Variants in GPR107 observed in about 807,000 individuals in gnomAD.
GPR107 encodes the protein protein GPR107.
GPR107 carries 31 observed loss-of-function variants against 75.5 expected under a neutral mutation model. That is an observed-to-expected ratio of 0.41 (90% confidence interval 0.31 to 0.55). The LOEUF is 0.55. Ranked by LOEUF, GPR107 falls within the 20% of genes least tolerant of loss-of-function variation. The probability of loss-of-function intolerance (pLI) is 0.26; values close to 1 mark genes in which losing one functional copy is unlikely to be tolerated. For missense variants in GPR107, 572 were observed against 665.7 expected, an observed-to-expected ratio of 0.86 and a Z score of 1.55; for synonymous variants, 267 against 251.3, an observed-to-expected ratio of 1.06 and a Z score of -0.59.
In GPR107 at chr9:130,135,899, G is replaced by C. The variant is rs1554899907; in HGVS notation, c.*778G>C. 1 of 152,300 alleles carries C rather than the reference G, an allele frequency of 6.6e-6. No individual in the cohort carries two copies. The highest frequency in any genetic ancestry group is 1.5e-5 in the Non-Finnish European group (1 of 68,114). The allele number at this position is 152,300 out of a possible 1,614,324, so 9.4% of individuals were successfully genotyped here. ...AGAAATGTATTTTTAAGTTCAAAAAGCATTATCCTGTGGCGTTGCCTGGAC... is the reference window on the plus strand; with the variant it reads ...AGAAATGTATTTTTAAGTTCAAAAACCATTATCCTGTGGCGTTGCCTGGAC... On this transcript the variant is annotated 3_prime_UTR_variant, in exon 18 of 18. Transcript: ENST00000347136.
At chr9:130,114,719 A>G (rs1226252943) in intron 14 of GPR107, 24 of 1,021,192 alleles carry the variant, frequency 2.4e-5, no homozygotes, top group Non-Finnish European at 2.7e-5. Context: ...TGTAGATATA[A>G]TCATACTAAC....
intron 7 of GPR107, among the ~76,000 whole-genome samples, chr9:130,087,538 T>C (rs1830642925): frequency 6.6e-6 from 1 of 151,834 alleles, no homozygotes; most frequent in Non-Finnish European, 1.5e-5. Flanking sequence ...TGGTGGTAGA[T>C]GCTTACAGTC....
intron 17 of GPR107, among the ~76,000 whole-genome samples, chr9:130,130,325 C>T (rs911405641): frequency 2.6e-5 from 4 of 152,248 alleles, no homozygotes; most frequent in African/African-American, 9.6e-5. Flanking sequence ...ATCTGAATTA[C>T]TTCTGTCATC....
At chr9:130,120,419 G>T (rs560597634) in intron 14 of GPR107, among the ~76,000 whole-genome samples, 2 of 152,194 alleles carry the variant, frequency 1.3e-5, no homozygotes, top group East Asian at 1.9e-4. Flanking sequence ...CCCCACCCCG[G>T]TCCTTACTTG....
At chr9:130,087,805 C>CAAAAAAAAAAAAAAAAAAAAAAAAAAAAA (rs35984705) in intron 7 of GPR107, among the ~76,000 whole-genome samples, 2 of 87,624 alleles carry the variant, frequency 2.3e-5, no homozygotes, top group African/African-American at 4.5e-5. Context: ...GACCCTGTCT[C>CAAAAAAAAAAAAAAAAAAAAAAAAAAAAA]AAAAAAAAAA....
At chr9:130,132,507 C>G (rs964774748) in intron 17 of GPR107, among the ~76,000 whole-genome samples, 1 of 152,210 alleles carries the variant, frequency 6.6e-6, no homozygotes, top group Non-Finnish European at 1.5e-5. Context: ...TTGCCGTAGG[C>G]CAGGTGCAGT....
intron 9 of GPR107, among the ~76,000 whole-genome samples, chr9:130,098,402 A>G (rs917080580): frequency 6.6e-6 from 1 of 152,112 alleles, no homozygotes; most frequent in African/African-American, 2.4e-5. Flanking sequence ...ACACATCCCT[A>G]CTGCTGGCTC....
intron 5 of GPR107, among the ~76,000 whole-genome samples, chr9:130,082,460 C>G (rs1830514073): frequency 6.7e-6 from 1 of 150,352 alleles, no homozygotes; most frequent in African/African-American, 2.4e-5. Context: ...TCCAGTCTTT[C>G]CCAAAAAGAA....
At position 130,112,066 on chromosome 9, in the gene GPR107, C is replaced by T. The variant is rs1164239289; in HGVS notation, c.1306+4527C>T. 6.6e-6 allele frequency among the ~76,000 whole-genome samples: 1 copy of T among 152,190 alleles called. No individual in the cohort carries two copies. On this transcript the variant is annotated intron_variant, in intron 14 of 17. Transcript: ENST00000347136. The surrounding 1 kb of genome is among the most constrained non-coding windows in gnomAD (Gnocchi z 4.0). ...CCTTCTCTTTCTCCAGTGTCATTAC[C>T]TTATAGGACTGGCGTCGAGATACAC...
At position 130,099,663 on chromosome 9, in the gene GPR107, T is replaced by A. The variant is rs551242628; in HGVS notation, c.939+131T>A. On this transcript the variant is annotated intron_variant, in intron 10 of 17. Coordinates refer to ENST00000347136, the MANE Select transcript of GPR107 (RefSeq NM_020960.5). ...CAAAGAATACATTTCTCATAAAGCCTCCTCTTGTCTGGGAGGGCCTGGCCA... is the reference window on the plus strand; with the variant it reads ...CAAAGAATACATTTCTCATAAAGCCACCTCTTGTCTGGGAGGGCCTGGCCA... 7.1e-4 allele frequency: 432 copies of A among 605,446 alleles called. 1 individual carries two copies. Among genetic ancestry groups the A allele is most frequent in the Non-Finnish European group, 1.2e-3 (396 of 339,258 alleles). 37.5% of individuals were successfully genotyped at this position (605,446 alleles called of 1,614,324 possible). A position where few individuals can be genotyped will look rare whatever the true frequency, so the allele number is the denominator to read the frequency against.
intron 17 of GPR107, among the ~76,000 whole-genome samples, chr9:130,130,232 TAATC>T (rs1255030776): frequency 6.6e-6 from 1 of 152,248 alleles, no homozygotes; most frequent in Non-Finnish European, 1.5e-5. Flanking sequence ...TACCGGTCAA[TAATC>T]AGCAAGTTAA....
intron 1 of GPR107, among the ~76,000 whole-genome samples, chr9:130,061,474 T>C (rs1237423884): frequency 6.6e-6 from 1 of 152,074 alleles, no homozygotes; most frequent in African/African-American, 2.4e-5. Flanking sequence ...CCCATGTCTA[T>C]GGAGGCCCCT....
At chr9:130,095,853 A>G (rs1830854333) in intron 9 of GPR107, among the ~76,000 whole-genome samples, 3 of 152,150 alleles carry the variant, frequency 2.0e-5, no homozygotes, top group Admixed American at 2.0e-4. Flanking sequence ...GTAGGCTGGA[A>G]ACCCACATGA....
chr9:130,125,518 G>A (rs1312295655), intron 15 of GPR107, among the ~76,000 whole-genome samples: 2 of 151,590 alleles, frequency 1.3e-5, no homozygotes, highest in African/African-American at 2.4e-5. Flanking sequence ...GGGACTGCAG[G>A]TGTAGGCCAC....
chr9:130,054,926 C>CA (rs1713877768), intron 1 of GPR107, among the ~76,000 whole-genome samples: 1 of 152,056 alleles, frequency 6.6e-6, no homozygotes, highest in African/African-American at 2.4e-5. Context: ...CCTGTCTCTA[C>CA]AAAAAATTAA....
rs559492705 is a variant in GPR107 at position 130,099,369 on chromosome 9, C to T, written c.864-88C>T. ...TTTGCACAGATTATATTTCCTGTCTCCTTATAAATATAGCTAATGTCTGGA... is the reference window on the plus strand; with the variant it reads ...TTTGCACAGATTATATTTCCTGTCTTCTTATAAATATAGCTAATGTCTGGA... On this transcript the variant is annotated intron_variant, in intron 9 of 17. Transcript: ENST00000347136. The T allele has an allele frequency of 5.0e-5, 38 of 766,980 alleles. 1 individual carries two copies. The highest frequency in any genetic ancestry group is 7.7e-5 in the Non-Finnish European group (34 of 439,294). 47.5% of individuals were successfully genotyped at this position (766,980 alleles called of 1,614,324 possible). A position where few individuals can be genotyped will look rare whatever the true frequency, so the allele number is the denominator to read the frequency against.
chr9:130,107,685 G>C, intron 14 of GPR107, 146 bp downstream of exon 14: 2 of 707,306 alleles, frequency 2.8e-6, no homozygotes, highest in South Asian at 1.5e-5. Context: ...CCCACTTCGT[G>C]AGAGCAGCCA....
chr9:130,114,567 G>A (rs1268127683), intron 14 of GPR107: 4 of 442,456 alleles, frequency 9.0e-6, no homozygotes, highest in Admixed American at 7.6e-5. Context: ...AATTTTTTTT[G>A]TGGAGATAGA....
At chr9:130,061,986 T>TATG (rs1829936874) in intron 1 of GPR107, among the ~76,000 whole-genome samples, 1 of 151,802 alleles carries the variant, frequency 6.6e-6, no homozygotes, top group Non-Finnish European at 1.5e-5. Context: ...GGTTAGAGCT[T>TATG]ATGTCTGGAA....
Sources: allele counts gnomAD v4.1 joint callset (sites outside exome capture counted in the v4.1 genomes callset), GRCh38; gene constraint gnomAD v4.1.1; non-coding constraint Gnocchi (gnomAD v3.1); transcripts MANE v1.5; gene names NCBI Gene and HGNC (gene_info 2026-07-23, HGNC 2026-07-21).